Variants in REDIC1 observed in about 807,000 individuals in gnomAD.
REDIC1 encodes HEI10 Interacting Protein 1.
the REDIC1 span, chr12:39,692,081 A>C: frequency 9.5e-6 from 15 of 1,579,942 alleles, no homozygotes; most frequent in Non-Finnish European, 1.2e-5. Flanking sequence ...TATATTCTTT[A>C]AAAAGCAAGC....
At chr12:39,857,370 G>T in the REDIC1 span, among the ~76,000 whole-genome samples, 1 of 152,126 alleles carries the variant, frequency 6.6e-6, no homozygotes, top group Non-Finnish European at 1.5e-5. Context: ...CCACAGTGAG[G>T]TTTCGGATCC....
chr12:39,876,807 C>T, the REDIC1 span, among the ~76,000 whole-genome samples: 1 of 152,142 alleles, frequency 6.6e-6, no homozygotes, highest in Non-Finnish European at 1.5e-5. Flanking sequence ...ATGGAACATA[C>T]TCTTCCTGAC....
chr12:39,809,622 C>T, the REDIC1 span, among the ~76,000 whole-genome samples: 13 of 152,134 alleles, frequency 8.5e-5, no homozygotes, highest in African/African-American at 2.4e-4. Flanking sequence ...CGTCATTTAG[C>T]ATCAGGTATA....
chr12:39,898,751 C>T, the REDIC1 span, among the ~76,000 whole-genome samples: 1 of 152,150 alleles, frequency 6.6e-6, no homozygotes, highest in African/African-American at 2.4e-5. Flanking sequence ...GAACCAGAGT[C>T]ACCCACACTA....
chr12:39,853,075 G>GT, the REDIC1 span, among the ~76,000 whole-genome samples: 1 of 152,064 alleles, frequency 6.6e-6, no homozygotes, highest in African/African-American at 2.4e-5. Flanking sequence ...TGCTTTGTTT[G>GT]TATGTTTTGT....
chr12:39,683,590 GGGCA>G, the REDIC1 span: 1 of 861,126 alleles, frequency 1.2e-6, no homozygotes, highest in Non-Finnish European at 1.8e-6. Context: ...ATTTGAGGGT[GGGCA>G]GGCAACCTGG....
chr12:39,732,578 C>A, the REDIC1 span, among the ~76,000 whole-genome samples: 1 of 152,156 alleles, frequency 6.6e-6, no homozygotes, highest in Non-Finnish European at 1.5e-5. Flanking sequence ...ATACCCCCTC[C>A]TCCATCTACT....
the REDIC1 span, among the ~76,000 whole-genome samples, chr12:39,818,070 C>A: frequency 6.6e-6 from 1 of 152,314 alleles, no homozygotes; most frequent in East Asian, 1.9e-4. Flanking sequence ...TAATTTACCT[C>A]CTGCATTCTT....
At chr12:39,759,816 C>G in the REDIC1 span, 10 of 521,392 alleles carry the variant, frequency 1.9e-5, no homozygotes, top group African/African-American at 1.5e-4. Flanking sequence ...AGATTAAAAT[C>G]TCTGTAAATA....
chr12:39,720,671 T>A, the REDIC1 span: 3 of 839,518 alleles, frequency 3.6e-6, no homozygotes, highest in Non-Finnish European at 5.7e-6. Flanking sequence ...CCAAACTCTC[T>A]TCTGTATTTA....
At chr12:39,744,601 T>C in the REDIC1 span, among the ~76,000 whole-genome samples, 1 of 152,150 alleles carries the variant, frequency 6.6e-6, no homozygotes, top group Non-Finnish European at 1.5e-5. Flanking sequence ...CTATAGTGTT[T>C]TCTGAAAGTG....
chr12:39,633,773 C>G, the REDIC1 span, among the ~76,000 whole-genome samples: 1 of 152,216 alleles, frequency 6.6e-6, no homozygotes, highest in Admixed American at 6.5e-5. Flanking sequence ...GTGGTCTGTC[C>G]TTGACGGAAC....
chr12:39,895,354 G>T, the REDIC1 span, among the ~76,000 whole-genome samples: 2 of 151,148 alleles, frequency 1.3e-5, no homozygotes, highest in Admixed American at 1.3e-4. Flanking sequence ...GCCGGGCTTG[G>T]TGGCAGGCAC....
chr12:39,714,043 A>G, the REDIC1 span, among the ~76,000 whole-genome samples: 1 of 147,628 alleles, frequency 6.8e-6, no homozygotes. Flanking sequence ...ACATGTATAT[A>G]CACATGTATA....
At chr12:39,679,631 CTAGAAAAA>C in the REDIC1 span, among the ~76,000 whole-genome samples, 1 of 152,058 alleles carries the variant, frequency 6.6e-6, no homozygotes, top group Non-Finnish European at 1.5e-5. Flanking sequence ...CTTCACAGAA[CTAGAAAAA>C]ATATCCTAAA....
chr12:39,679,640 AT>A, the REDIC1 span, among the ~76,000 whole-genome samples: 1 of 152,162 alleles, frequency 6.6e-6, no homozygotes, highest in African/African-American at 2.4e-5. Flanking sequence ...ACTAGAAAAA[AT>A]ATCCTAAAAC....
chr12:39,726,152 C>T, the REDIC1 span, among the ~76,000 whole-genome samples: 18 of 150,916 alleles, frequency 1.2e-4, no homozygotes, highest in South Asian at 2.1e-4. Context: ...CCTCTTCCTC[C>T]TCTTCTTCTT....
chr12:39,868,931 A>C, the REDIC1 span, among the ~76,000 whole-genome samples: 1 of 152,196 alleles, frequency 6.6e-6, no homozygotes, highest in South Asian at 2.1e-4. Flanking sequence ...AAAAGAATGA[A>C]TATCTAACAA....
the REDIC1 span, among the ~76,000 whole-genome samples, chr12:39,681,999 TA>T: frequency 5.5e-5 from 2 of 36,066 alleles, no homozygotes; most frequent in African/African-American, 3.2e-4. Context: ...GGACTTAACC[TA>T]GAATTATTTC....
Sources: gnomAD v4.1 joint callset for allele counts (sites outside exome capture counted in the v4.1 genomes callset) on GRCh38, gnomAD v4.1.1 for gene constraint, MANE v1.5 for transcripts, NCBI Gene and HGNC (gene_info 2026-07-23, HGNC 2026-07-21) for gene names.